Variants in PARPBP observed in about 807,000 individuals in gnomAD.
PARPBP encodes PARP1 binding protein.
A neutral mutation model predicts 50.0 loss-of-function variants in PARPBP; 52 were observed. The ratio of observed to expected loss-of-function variants is 1.04; its 90% CI spans 0.83 to 1.31. The LOEUF is 1.31. PARPBP is among the 50% of genes most tolerant of loss of function. PARPBP has a pLI of 0.00. For missense variants in PARPBP, 697 were observed against 672.0 expected, an observed-to-expected ratio of 1.04 and a Z score of -0.41; for synonymous variants, 244 against 232.1, an observed-to-expected ratio of 1.05 and a Z score of -0.47.
chr12:102,142,232 A>C (rs758098440), intron 2 of PARPBP, among the ~76,000 whole-genome samples: 35 of 152,110 alleles, frequency 2.3e-4, no homozygotes, highest in South Asian at 4.2e-4. Flanking sequence ...TCATTTCATT[A>C]ATTTGATCTT....
chr12:102,191,730 G>A (rs1890808792), intron 9 of PARPBP, among the ~76,000 whole-genome samples: 1 of 152,110 alleles, frequency 6.6e-6, no homozygotes, highest in African/African-American at 2.4e-5. Flanking sequence ...TGGCAAGTGT[G>A]AAGTTCATTG....
At chr12:102,147,145 T>C (rs1392537279) in intron 2 of PARPBP, among the ~76,000 whole-genome samples, 2 of 152,218 alleles carry the variant, frequency 1.3e-5, no homozygotes, top group South Asian at 2.1e-4. Flanking sequence ...TCAACCATTG[T>C]GGAAGTCAGT....
intron 1 of PARPBP, among the ~76,000 whole-genome samples, chr12:102,121,173 C>T (rs1881002952): frequency 6.6e-6 from 1 of 152,168 alleles, no homozygotes; most frequent in African/African-American, 2.4e-5. Flanking sequence ...CTCCCACAGC[C>T]AGCTAGCTAC....
chr12:102,128,527 G>A (rs910787026), intron 2 of PARPBP, among the ~76,000 whole-genome samples: 1 of 152,178 alleles, frequency 6.6e-6, no homozygotes, highest in South Asian at 2.1e-4. Context: ...CACCGTGCCC[G>A]GCCTGTAAGT....
Position 102,197,208 on chromosome 12 carries a change from T to C in PARPBP, c.*917T>C. 14 of 1,446,606 alleles carry C rather than the reference T, an allele frequency of 9.7e-6. No homozygotes were observed. Among genetic ancestry groups the C allele is most frequent in the Non-Finnish European group, 1.4e-5 (14 of 1,031,778 alleles). The allele number at this position is 1,446,606 out of a possible 1,614,324, so 89.6% of individuals were successfully genotyped here. A position where few individuals can be genotyped will look rare whatever the true frequency, so the allele number is the denominator to read the frequency against. On this transcript the variant is annotated 3_prime_UTR_variant, in exon 11 of 11. Transcript: ENST00000327680. The stretch of plus-strand genomic sequence containing the variant: ...AGGTTGATTTGGTTTTTAGCTATCG[T>C]ATTCGGAGTGGAACTATAATACAAT...
chr12:102,175,505 T>G lies in PARPBP; in HGVS notation c.844T>G (p.Ser282Ala). 6.2e-7 allele frequency: 1 copy of G among 1,613,304 alleles called. No individual in the cohort carries two copies. ...CAGCATTGCAGGGGGTCAAATACTGTCAGTGATAAAGATGCAACTGATTAA... is the reference window on the plus strand; with the variant it reads ...CAGCATTGCAGGGGGTCAAATACTGGCAGTGATAAAGATGCAACTGATTAA... ...NPSIAGGQILSVIKMQLIKGQ... is the reference protein window; with the variant it reads ...NPSIAGGQILAVIKMQLIKGQ... The change falls in exon 7 of 11, where the codon TCA becomes GCA. Residue 282 changes from serine to alanine, a missense_variant. Physicochemically the swap from Ser to Ala is moderately conservative, Grantham distance 99 (BLOSUM62 1). Transcript: ENST00000327680.
chr12:102,173,819 T>C (rs1888992880), intron 6 of PARPBP, among the ~76,000 whole-genome samples: 1 of 150,264 alleles, frequency 6.7e-6, no homozygotes, highest in Admixed American at 6.7e-5. Context: ...AGCTTTCGGC[T>C]TACCATGCCA....
intron 6 of PARPBP, among the ~76,000 whole-genome samples, chr12:102,166,764 T>C (rs966488726): frequency 7.2e-5 from 11 of 152,130 alleles, no homozygotes; most frequent in Non-Finnish European, 1.6e-4. Flanking sequence ...CTTCATTCCA[T>C]TCTAAGATTC....
At chr12:102,153,754 A>G (rs1162988497) in intron 3 of PARPBP, 115 bp from the exon 4 acceptor site, 1 of 618,758 alleles carries the variant, frequency 1.6e-6, no homozygotes, top group Admixed American at 2.7e-5. Context: ...GATTGCTAAC[A>G]ACTGTCAGGT....
intron 2 of PARPBP, among the ~76,000 whole-genome samples, chr12:102,130,728 G>A (rs140120309): frequency 1.6e-4 from 25 of 151,552 alleles, no homozygotes; most frequent in Non-Finnish European, 2.9e-4. Context: ...GGGGGCAGAC[G>A]CCTGTAATCC....
chr12:102,171,122 C>A (rs1172876780), intron 6 of PARPBP, among the ~76,000 whole-genome samples: 1 of 151,056 alleles, frequency 6.6e-6, no homozygotes, highest in Non-Finnish European at 1.5e-5. Flanking sequence ...TCCTGAAGGA[C>A]CTGCCTGAGA....
rs1889201567 is a variant in PARPBP, at chr12:102,175,686, T to C, written c.1005+20T>C. 1.5e-5 allele frequency: 22 copies of C among 1,501,344 alleles called. No individual in the cohort carries two copies. The highest frequency in any genetic ancestry group is 1.5e-5 in the Non-Finnish European group (17 of 1,101,688). 93.0% of individuals were successfully genotyped at this position (1,501,344 alleles called of 1,614,324 possible). A position where few individuals can be genotyped will look rare whatever the true frequency, so the allele number is the denominator to read the frequency against. On this transcript the variant is annotated intron_variant, in intron 7 of 10. Transcript: ENST00000327680. ...GCTCGGGTAATGAGCTTTTTATTTTTCATTATCCTTTTATACAAATCATTA... is the reference window on the plus strand; with the variant it reads ...GCTCGGGTAATGAGCTTTTTATTTTCCATTATCCTTTTATACAAATCATTA...
At chr12:102,139,907 G>T (rs538035650) in intron 2 of PARPBP, among the ~76,000 whole-genome samples, 1 of 152,074 alleles carries the variant, frequency 6.6e-6, no homozygotes, top group Non-Finnish European at 1.5e-5. Flanking sequence ...GAGGATTTTC[G>T]CATGGATGTT....
rs141565765 is a variant in PARPBP, at chr12:102,137,927, C to G, written c.154-10303C>G. 6.4e-3 allele frequency among the ~76,000 whole-genome samples: 976 copies of G among 152,228 alleles called. 9 individuals carry two copies. Among genetic ancestry groups the G allele is most frequent in the African/African-American group, 0.023 (957 of 41,536 alleles). On this transcript the variant is annotated intron_variant, in intron 2 of 10. Transcript: ENST00000327680. ...CATTCTTGGACATTTGGGTTGGTTC[C>G]AAGTCTTTGCTATTGTGAATAGTGT...
At position 102,152,019 on chromosome 12, in the gene PARPBP, G is replaced by T. The variant is rs1346016172; in HGVS notation, c.388-1850G>T. Reference sequence around the variant, plus strand: ...CTAGATTTTATTTTTGTAAATATTTGCATCTCCTGCTTTATCAAAAAGTTT... The same window carrying T: ...CTAGATTTTATTTTTGTAAATATTTTCATCTCCTGCTTTATCAAAAAGTTT... On this transcript the variant is annotated intron_variant, in intron 3 of 10. Transcript: ENST00000327680. 8 of 521,966 alleles carry T rather than the reference G, an allele frequency of 1.5e-5. No individual in the cohort carries two copies. In the Admixed American group the frequency reaches 2.7e-4, roughly 17 times the overall value. 32.3% of individuals were successfully genotyped at this position (521,966 alleles called of 1,614,324 possible). A position where few individuals can be genotyped will look rare whatever the true frequency, so the allele number is the denominator to read the frequency against.
At chr12:102,172,967 T>C (rs1004224329) in intron 6 of PARPBP, among the ~76,000 whole-genome samples, 25 of 152,350 alleles carry the variant, frequency 1.6e-4, no homozygotes, top group Non-Finnish European at 3.2e-4. Context: ...CTACTCAGAC[T>C]TCTGATTACA....
Position 102,148,447 on chromosome 12 carries a change from AT to A in PARPBP, c.372del (p.Tyr124Ter), listed in dbSNP as rs1432192887. 3.0e-6 allele frequency: 4 copies of A among 1,323,848 alleles called. No individual in the cohort carries two copies. The highest frequency in any genetic ancestry group is 4.3e-6 in the Non-Finnish European group (4 of 923,612). 82.0% of individuals were successfully genotyped at this position (1,323,848 alleles called of 1,614,324 possible). On this transcript the variant is annotated frameshift_variant, in exon 3 of 11. Coordinates refer to ENST00000327680, the MANE Select transcript of PARPBP (RefSeq NM_017915.5). LOFTEE classifies it high-confidence loss of function. Reference sequence around the variant, plus strand: ...GCTTTGACTTCTAATTGTGAAAATTATAACACAGTATCTCCTGTAAGTATTT... The same window carrying A: ...GCTTTGACTTCTAATTGTGAAAATTAAACACAGTATCTCCTGTAAGTATTT... ...CRALTSNCEN[Y>X]NTVSPSQLLD...
At position 102,196,153 on chromosome 12, in the gene PARPBP, T is replaced by C. The variant is rs1946646726; in HGVS notation, c.1602T>C (p.Ala534=). 5 of 1,611,884 alleles carry C rather than the reference T, an allele frequency of 3.1e-6. No individual in the cohort carries two copies. Among genetic ancestry groups the C allele is most frequent in the African/African-American group, 1.3e-5 (1 of 74,832 alleles). The change falls in exon 11 of 11, where the codon GCT becomes GCC. Residue 534 remains alanine, a synonymous_variant. Transcript: ENST00000327680. ...ATGAACCACCTCAACATAAAAATGC[T>C]AAAATACCTAAGAAATCAAATGATT... is the stretch of plus-strand genomic sequence containing the variant. The part of the protein sequence containing the change: ...NRNEPPQHKN[A]KIPKKSNDSQ...
At chr12:102,122,091 C>T (rs1361716172) in intron 1 of PARPBP, among the ~76,000 whole-genome samples, 1 of 152,106 alleles carries the variant, frequency 6.6e-6, no homozygotes, top group East Asian at 1.9e-4. Flanking sequence ...GCCTAATTCC[C>T]AAGTGAGTCT....
Sources: gnomAD v4.1 joint callset for allele counts (sites outside exome capture counted in the v4.1 genomes callset) on GRCh38, gnomAD v4.1.1 for gene constraint, MANE v1.5 for transcripts, NCBI Gene and HGNC (gene_info 2026-07-23, HGNC 2026-07-21) for gene names.